Variants in SEPTIN8 observed in about 807,000 individuals in gnomAD.
SEPTIN8 encodes septin-8.
In SEPTIN8, 22 loss-of-function variants were observed where a neutral mutation model predicts 53.1. The observed-to-expected ratio is 0.41, with a 90% CI of 0.30 to 0.59. SEPTIN8 has a LOEUF of 0.59. Among genes scored for constraint, SEPTIN8 ranks in the 20% least tolerant of loss-of-function variants. SEPTIN8 has a pLI of 0.24. For synonymous variants in SEPTIN8, 228 were observed against 248.4 expected (o/e 0.92, Z 0.77); for missense variants, 536 against 638.7 (o/e 0.84, Z 1.73).
At position 132,761,988 on chromosome 5, in the gene SEPTIN8, G is replaced by A. The variant is rs928943236; in HGVS notation, c.697-92C>T. 1.3e-5 allele frequency: 15 copies of A among 1,114,756 alleles called. No homozygotes were observed. The highest frequency in any genetic ancestry group is 1.9e-5 in the Non-Finnish European group (15 of 783,020). The allele number at this position is 1,114,756 out of a possible 1,614,324, so 69.1% of individuals were successfully genotyped here. A position where few individuals can be genotyped will look rare whatever the true frequency, so the allele number is the denominator to read the frequency against. ...TGCCCCTGGGTCCTAGGGAGGGGCA[G>A]CCAGACCTGAACAAAGGCTCCAGGG... On this transcript the variant is annotated intron_variant, in intron 5 of 9. Coordinates refer to ENST00000378719, the MANE Select transcript of SEPTIN8 (RefSeq NM_001098811.2). This position sits in a 1 kb window ranked among gnomAD's most constrained non-coding sequence, Gnocchi z 5.8.
intron 1 of SEPTIN8, among the ~76,000 whole-genome samples, chr5:132,770,069 A>ATATATATATGTATATATG (rs1665039211): frequency 4.2e-4 from 27 of 64,840 alleles, no homozygotes; most frequent in East Asian, 3.0e-3. Flanking sequence ...GTGTGTATAT[A>ATATATATATGTATATATG]TATATATATA....
chr5:132,774,060 GA>G (rs1757569131), intron 1 of SEPTIN8: 1 of 161,036 alleles, frequency 6.2e-6, no homozygotes, highest in South Asian at 2.1e-4. Context: ...GTTTTTACAA[GA>G]TGGGGAGATA....
rs1191996541 is a variant in SEPTIN8 at position 132,761,751 on chromosome 5, C to T, written c.793+49G>A. On this transcript the variant is annotated intron_variant, in intron 6 of 9. Transcript: ENST00000378719. The surrounding 1 kb of genome is among the most constrained non-coding windows in gnomAD (Gnocchi z 5.8). ...AGGGTACTACAGGCAGCAGGGCAGG[C>T]CAGGGAACTCAGTTCTACCCCCAGG... 6.3e-7 allele frequency: 1 copy of T among 1,584,218 alleles called. No homozygotes were observed. Among genetic ancestry groups the T allele is most frequent in the Non-Finnish European group, 8.6e-7 (1 of 1,162,152 alleles).
chr5:132,764,213 C>A lies in SEPTIN8; in HGVS notation c.347+11G>T. The A allele has an allele frequency of 6.2e-7, 1 of 1,604,698 alleles. No individual in the cohort carries two copies. Among genetic ancestry groups the A allele is most frequent in the Non-Finnish European group, 8.5e-7 (1 of 1,174,594 alleles). On this transcript the variant is annotated intron_variant, in intron 3 of 9. Coordinates refer to ENST00000378719, the MANE Select transcript of SEPTIN8 (RefSeq NM_001098811.2). ...AGGAGGCTGGGTGGGGCCGCCCTTC[C>A]CGCCTCTTGCCTCTCATCCTTATTG...
At chr5:132,758,898 G>A in intron 9 of SEPTIN8, 1 of 1,375,306 alleles carries the variant, frequency 7.3e-7, no homozygotes, top group Non-Finnish European at 1.0e-6. Context: ...TCAAACAGAA[G>A]CAAAAGACAG....
intron 2 of SEPTIN8, 43 bp downstream of exon 2, chr5:132,765,366 G>A (rs562838256): frequency 1.9e-6 from 3 of 1,608,340 alleles, no homozygotes; most frequent in East Asian, 2.3e-5. Context: ...CTCCCAGGAG[G>A]TTCTCACCCA....
At chr5:132,752,805 T>C in intron 9 of SEPTIN8, 1 of 1,475,382 alleles carries the variant, frequency 6.8e-7, no homozygotes, top group African/African-American at 1.4e-5. Flanking sequence ...GGCACTCAAT[T>C]GCCAATTTCT....
chr5:132,763,570 C>A, intron 4 of SEPTIN8, 136 bp downstream of exon 4: 1 of 740,538 alleles, frequency 1.4e-6, no homozygotes, highest in Non-Finnish European at 2.3e-6. Flanking sequence ...AGAGAGAGGA[C>A]CGAGCCAATG....
chr5:132,767,147 T>A (rs552174065), intron 1 of SEPTIN8, among the ~76,000 whole-genome samples: 1 of 152,308 alleles, frequency 6.6e-6, no homozygotes, highest in African/African-American at 2.4e-5. Flanking sequence ...CAAAGCATCA[T>A]GTCCCAATCT....
At position 132,751,060 on chromosome 5, in the gene SEPTIN8, T is replaced by G; in HGVS notation, c.*956A>C. ...CGTTTGTGCCTTTGGAACAGCTGTT[T>G]ACAACATGGGATGGCAAAGCACAGG... On this transcript the variant is annotated 3_prime_UTR_variant, in exon 10 of 10. Transcript: ENST00000378719. 2 of 1,583,548 alleles carry G rather than the reference T, an allele frequency of 1.3e-6. No homozygotes were observed. Among genetic ancestry groups the G allele is most frequent in the Non-Finnish European group, 1.7e-6 (2 of 1,163,028 alleles).
At chr5:132,758,439 T>A in intron 9 of SEPTIN8, 1 of 1,584,332 alleles carries the variant, frequency 6.3e-7, no homozygotes, top group Non-Finnish European at 8.6e-7. Flanking sequence ...CCACGTGAGT[T>A]GCCATCTCCA....
rs370672741 is a variant in SEPTIN8, at chr5:132,761,670, G to A, written c.794-44C>T. 8.9e-5 allele frequency: 143 copies of A among 1,606,786 alleles called. No homozygotes were observed. The highest frequency in any genetic ancestry group is 1.1e-4 in the Non-Finnish European group (134 of 1,176,260). On this transcript the variant is annotated intron_variant, in intron 6 of 9. Transcript: ENST00000378719. This position sits in a 1 kb window ranked among gnomAD's most constrained non-coding sequence, Gnocchi z 5.8. ...TGGGGTATCAGGCAGGCATGCAGGCGGGCACACTCCAGAGTCAGGGTAGGC... is the reference window on the plus strand; with the variant it reads ...TGGGGTATCAGGCAGGCATGCAGGCAGGCACACTCCAGAGTCAGGGTAGGC...
Position 132,767,885 on chromosome 5 carries a change from G to A in SEPTIN8, c.31-2356C>T, listed in dbSNP as rs562545837. Among the ~76,000 whole-genome samples the A allele has an allele frequency of 1.9e-3, 285 of 149,700 alleles. 1 individual carries two copies. Among genetic ancestry groups the A allele is most frequent in the African/African-American group, 6.6e-3 (271 of 40,972 alleles). On this transcript the variant is annotated intron_variant, in intron 1 of 9. Transcript: ENST00000378719. ...TTCCAAGGGGTGACACAATCAGGAT[G>A]CAATCCAACATCCTGTAGTCTGCCG...
At chr5:132,756,476 G>T in intron 9 of SEPTIN8, 1 of 985,376 alleles carries the variant, frequency 1.0e-6, no homozygotes, top group South Asian at 4.7e-5. Context: ...CCCTAATAAA[G>T]CCAACAAATG....
chr5:132,763,405 G>A (rs1756198004), intron 4 of SEPTIN8, among the ~76,000 whole-genome samples: 1 of 152,214 alleles, frequency 6.6e-6, no homozygotes, highest in South Asian at 2.1e-4. Context: ...TCCCTGGAGC[G>A]AAGGGGAACA....
Position 132,761,952 on chromosome 5 carries a change from C to T in SEPTIN8, c.697-56G>A, listed in dbSNP as rs1756023098. 4.1e-6 allele frequency: 6 copies of T among 1,457,588 alleles called. No homozygotes were observed. In the East Asian group the frequency reaches 1.2e-4, roughly 30 times the overall value. The allele number at this position is 1,457,588 out of a possible 1,614,324, so 90.3% of individuals were successfully genotyped here. On this transcript the variant is annotated intron_variant, in intron 5 of 9. Transcript: ENST00000378719. This position sits in a 1 kb window ranked among gnomAD's most constrained non-coding sequence, Gnocchi z 5.8. ...TGAGCTGACACAGACTAATGGCAGA[C>T]TCTCCCTCCCTGCCCCTGGGTCCTA...
At chr5:132,765,633 C>T (rs1756506390) in intron 1 of SEPTIN8, 104 bp from the exon 2 acceptor site, 4 of 1,340,838 alleles carry the variant, frequency 3.0e-6, no homozygotes, top group African/African-American at 1.5e-5. Flanking sequence ...CAGCCCCACC[C>T]GATGTCTGAA....
intron 9 of SEPTIN8, chr5:132,758,388 T>C: frequency 6.9e-7 from 1 of 1,452,434 alleles, no homozygotes; most frequent in Non-Finnish European, 9.1e-7. Context: ...TGGGTGAATT[T>C]TGCAGCATGT....
At position 132,761,465 on chromosome 5, in the gene SEPTIN8, G is replaced by T. The variant is rs907388617; in HGVS notation, c.955C>A (p.Pro319Thr). The T allele has an allele frequency of 4.3e-6, 7 of 1,610,428 alleles. No homozygotes were observed. Among genetic ancestry groups the T allele is most frequent in the African/African-American group, 1.3e-5 (1 of 74,890 alleles). Residue 319 changes from proline (P) to threonine (T), a missense_variant, in exon 7 of 10, where the codon CCC (proline) becomes ACC (threonine). Transcript: ENST00000378719. This position sits in a 1 kb window ranked among gnomAD's most constrained non-coding sequence, Gnocchi z 5.8. The stretch of plus-strand genomic sequence containing the variant: ...TCTGGCTCAGGCTGTCACCTGAAGG[G>T]CTGGCTGTCACCATCGCTGTCCTGA... ...GFQDSDGDSQ[P>T]FSLQETYEAK... is the part of the protein sequence containing the mutation.
Sources: allele counts gnomAD v4.1 joint callset (sites outside exome capture counted in the v4.1 genomes callset), GRCh38; gene constraint gnomAD v4.1.1; non-coding constraint Gnocchi (gnomAD v3.1); transcripts MANE v1.5; gene names NCBI Gene and HGNC (gene_info 2026-07-23, HGNC 2026-07-21).